Variants in GCFC2 observed in about 807,000 individuals in gnomAD.
GCFC2 encodes the protein intron Large complex component GCFC2.
In GCFC2, 102 loss-of-function variants were observed where a neutral mutation model predicts 99.4. The observed-to-expected ratio is 1.03, with a 90% CI of 0.87 to 1.21. The LOEUF (loss-of-function observed/expected upper bound fraction) is 1.21. Among genes scored for constraint, GCFC2 ranks in the 50% most tolerant of loss-of-function variants. GCFC2 has a pLI of 0.00. For missense variants in GCFC2, 973 were observed against 920.9 expected, an observed-to-expected ratio of 1.06 and a Z score of -0.73; for synonymous variants, 338 against 316.8, an observed-to-expected ratio of 1.07 and a Z score of -0.71.
intron 11 of GCFC2, among the ~76,000 whole-genome samples, chr2:75,681,353 G>A (rs1679567939): frequency 6.7e-6 from 1 of 149,374 alleles, no homozygotes; most frequent in African/African-American, 2.6e-5. Context: ...CCTTATCTAA[G>A]GGATGCCACG....
intron 4 of GCFC2, among the ~76,000 whole-genome samples, chr2:75,696,537 A>G (rs971523504): frequency 1.3e-5 from 2 of 152,182 alleles, no homozygotes. Flanking sequence ...TTACATTTTT[A>G]AAAAAGTTTA....
In GCFC2 at chr2:75,696,363, C is replaced by T. The variant is rs759624517; in HGVS notation, c.718-48G>A. The T allele has an allele frequency of 3.6e-6, 3 of 830,170 alleles. No individual in the cohort carries two copies. The African/African-American group carries it at 5.1e-5, about 14-fold the overall frequency. The allele number at this position is 830,170 out of a possible 1,614,324, so 51.4% of individuals were successfully genotyped here. Reference sequence around the variant, plus strand: ...TTACAAAACCATTTATTTCATTTACCTTTGAAACATTAATAGCATGTAAAG... The same window carrying T: ...TTACAAAACCATTTATTTCATTTACTTTTGAAACATTAATAGCATGTAAAG... On this transcript the variant is annotated intron_variant, in intron 4 of 16. Transcript: ENST00000321027.
In GCFC2 at chr2:75,706,554, G is replaced by C; in HGVS notation, c.363C>G (p.Ser121Arg). The change falls in exon 2 of 17, where the codon AGC becomes AGG. Residue 121 changes from serine (S) to arginine (R), a missense_variant. Transcript: ENST00000321027. Reference sequence around the variant, plus strand: ...ATGAAAGTTCTTTTTCTCCAAGAGAGCTAGAACTGTCAGAAGACAAACCCT... The same window carrying C: ...ATGAAAGTTCTTTTTCTCCAAGAGACCTAGAACTGTCAGAAGACAAACCCT... Reference protein sequence around the residue: ...DDQGLSSDSSSSLGEKELSST... With the variant: ...DDQGLSSDSSRSLGEKELSST... 3.1e-6 allele frequency: 5 copies of C among 1,603,604 alleles called. No individual in the cohort carries two copies. The highest frequency in any genetic ancestry group is 4.3e-6 in the Non-Finnish European group (5 of 1,171,198).
chr2:75,668,696 G>A (rs1282868549), intron 15 of GCFC2, among the ~76,000 whole-genome samples: 3 of 152,152 alleles, frequency 2.0e-5, no homozygotes, highest in Admixed American at 6.5e-5. Context: ...TTAGGGATAT[G>A]TAGGTGTTTC....
intron 11 of GCFC2, among the ~76,000 whole-genome samples, chr2:75,681,433 G>A (rs542394786): frequency 4.9e-4 from 74 of 151,404 alleles, no homozygotes; most frequent in African/African-American, 1.7e-3. Context: ...CTTCGCAACC[G>A]GCAGACCAGG....
upstream of GCFC2, among the ~76,000 whole-genome samples, chr2:75,712,769 A>G (rs915046075): frequency 6.6e-6 from 1 of 152,226 alleles, no homozygotes; most frequent in East Asian, 1.9e-4. Flanking sequence ...TGAACATCAG[A>G]AGGGGCAGAC....
chr2:75,682,013 G>A (rs557325661), intron 11 of GCFC2, among the ~76,000 whole-genome samples: 19 of 151,938 alleles, frequency 1.3e-4, no homozygotes, highest in South Asian at 2.1e-4. Context: ...GGCTGTGGGC[G>A]CAGCTTCAGC....
At chr2:75,691,403 T>G (rs1680062452) in intron 7 of GCFC2, among the ~76,000 whole-genome samples, 1 of 152,178 alleles carries the variant, frequency 6.6e-6, no homozygotes, top group South Asian at 2.1e-4. Flanking sequence ...TCATATTATT[T>G]CTTATTTTAA....
intron 16 of GCFC2, among the ~76,000 whole-genome samples, chr2:75,665,111 A>G (rs1678776160): frequency 6.6e-6 from 1 of 151,968 alleles, no homozygotes; most frequent in African/African-American, 2.4e-5. Flanking sequence ...TGGTGGGAGT[A>G]TATTCACACA....
chr2:75,690,995 G>A (rs984312997), intron 7 of GCFC2: 11 of 288,298 alleles, frequency 3.8e-5, no homozygotes, highest in South Asian at 5.4e-5. Context: ...ACAAAGTTTC[G>A]TTTTCTCATA....
chr2:75,666,635 T>C (rs927285439), intron 15 of GCFC2, among the ~76,000 whole-genome samples: 3 of 151,952 alleles, frequency 2.0e-5, no homozygotes, highest in African/African-American at 4.8e-5. Flanking sequence ...CATTTTATCA[T>C]TGTCATCCTA....
At position 75,664,117 on chromosome 2, in the gene GCFC2, C is replaced by T. The variant is rs951161860; in HGVS notation, c.*549G>A. On this transcript the variant is annotated 3_prime_UTR_variant, in exon 17 of 17. Coordinates refer to ENST00000321027, the MANE Select transcript of GCFC2 (RefSeq NM_003203.5). ...GCATTTTTAAAAAGGATAATAACTACTGCTGGTAGGGATTCATTGGCACTC... is the reference window on the plus strand; with the variant it reads ...GCATTTTTAAAAAGGATAATAACTATTGCTGGTAGGGATTCATTGGCACTC... 3 of 152,180 alleles carry T rather than the reference C, an allele frequency of 2.0e-5. No individual in the cohort carries two copies. The highest frequency in any genetic ancestry group is 7.2e-5 in the African/African-American group (3 of 41,456). 9.4% of individuals were successfully genotyped at this position (152,180 alleles called of 1,614,324 possible).
Position 75,664,369 on chromosome 2 carries a change from G to A in GCFC2, c.*297C>T, listed in dbSNP as rs1436983035. On this transcript the variant is annotated 3_prime_UTR_variant, in exon 17 of 17. Coordinates refer to ENST00000321027, the MANE Select transcript of GCFC2 (RefSeq NM_003203.5). ...TCACTTAAGCTAAAACCTTTAGCAA[G>A]GTTTCTCCAGTTCCCCTCTTAAGAA... 1.6e-5 allele frequency: 3 copies of A among 183,274 alleles called. No homozygotes were observed. Among genetic ancestry groups the A allele is most frequent in the African/African-American group, 7.1e-5 (3 of 42,544 alleles). 11.4% of individuals were successfully genotyped at this position (183,274 alleles called of 1,614,324 possible).
At chr2:75,695,261 G>A (rs759272542) in intron 5 of GCFC2, among the ~76,000 whole-genome samples, 13 of 152,094 alleles carry the variant, frequency 8.5e-5, no homozygotes, top group Non-Finnish European at 1.5e-4. Flanking sequence ...GTAACATAGA[G>A]TTGAGCAGTT....
chr2:75,701,349 C>T, intron 3 of GCFC2, 62 bp from the exon 4 acceptor site: 1 of 927,866 alleles, frequency 1.1e-6, no homozygotes. Context: ...TGCAGCAAGC[C>T]AACATTTTTT....
intron 1 of GCFC2, among the ~76,000 whole-genome samples, chr2:75,709,115 C>T (rs1325131970): frequency 1.3e-5 from 2 of 152,088 alleles, no homozygotes; most frequent in Non-Finnish European, 2.9e-5. Flanking sequence ...CTTACTTATC[C>T]TTACATGTAA....
Position 75,666,058 on chromosome 2 carries a change from TAATC to T in GCFC2, c.2104-9_2104-6del, listed in dbSNP as rs751642027. 1.1e-5 allele frequency: 17 copies of T among 1,598,408 alleles called. No individual in the cohort carries two copies. Among genetic ancestry groups the T allele is most frequent in the African/African-American group, 6.7e-5 (5 of 74,248 alleles). Reference sequence around the variant, plus strand: ...TTCTGGTAGACATGCTGCTACCTGTTAATCAAAACACATGGCTGGTTTACAATGA... The same window carrying T: ...TTCTGGTAGACATGCTGCTACCTGTTAAAACACATGGCTGGTTTACAATGA... On this transcript the variant is annotated splice_polypyrimidine_tract_variant and splice_region_variant and intron_variant, in intron 15 of 16. Transcript: ENST00000321027.
At chr2:75,681,855 G>A (rs1175234919) in intron 11 of GCFC2, among the ~76,000 whole-genome samples, 2 of 151,872 alleles carry the variant, frequency 1.3e-5, no homozygotes, top group Non-Finnish European at 2.9e-5. Context: ...AGAGCCCACC[G>A]AAGCTCAGCA....
chr2:75,708,409 A>C (rs1356307383), intron 1 of GCFC2, among the ~76,000 whole-genome samples: 1 of 151,836 alleles, frequency 6.6e-6, no homozygotes, highest in African/African-American at 2.4e-5. Context: ...CCAATCGTTC[A>C]TGAGTAAAAG....
Sources: gnomAD v4.1 joint callset for allele counts (sites outside exome capture counted in the v4.1 genomes callset) on GRCh38, gnomAD v4.1.1 for gene constraint, MANE v1.5 for transcripts, NCBI Gene and HGNC (gene_info 2026-07-23, HGNC 2026-07-21) for gene names.